The following COL23A1 variants were observed in gnomAD, a reference collection of about 807,000 sequenced individuals.
COL23A1 encodes the protein collagen alpha-1(XXIII) chain.
COL23A1 carries 97 observed loss-of-function variants against 99.3 expected under a neutral mutation model. That is an observed-to-expected ratio of 0.98 (90% CI 0.83 to 1.16). The LOEUF (loss-of-function observed/expected upper bound fraction) is 1.16. Among genes scored for constraint, COL23A1 ranks in the 50% most tolerant of loss-of-function variants. The probability of loss-of-function intolerance (pLI) is 0.00; values close to 1 mark genes in which losing one functional copy is unlikely to be tolerated. For missense variants in COL23A1, 762 were observed against 757.4 expected (o/e 1.01, Z -0.07); for synonymous variants, 320 against 308.2 (o/e 1.04, Z -0.40).
Position 178,336,991 on chromosome 5 carries a change from C to CT in COL23A1, c.362-30073_362-30072insA, listed in dbSNP as rs1455346671. Among the ~76,000 whole-genome samples, 15 of 114,234 alleles carry CT rather than the reference C, an allele frequency of 1.3e-4. No individual in the cohort carries two copies. The Admixed American group carries it at 1.4e-3, about 10-fold the overall frequency. The allele number at this position is 114,234 out of a possible 152,430, so 74.9% of individuals were successfully genotyped here. A position where few individuals can be genotyped will look rare whatever the true frequency, so the allele number is the denominator to read the frequency against. ...CTTGCAAAGAGTAAATACACTCCTCCCCGGAGCCAGCGAGCTGCTCAGAGC... is the reference window on the plus strand; with the variant it reads ...CTTGCAAAGAGTAAATACACTCCTCCTCCGGAGCCAGCGAGCTGCTCAGAGC... On this transcript the variant is annotated intron_variant, in intron 2 of 28. Coordinates refer to ENST00000390654, the MANE Select transcript of COL23A1 (RefSeq NM_173465.4).
At chr5:178,311,376 A>G (rs1441949566) in intron 2 of COL23A1, among the ~76,000 whole-genome samples, 1 of 152,184 alleles carries the variant, frequency 6.6e-6, no homozygotes, top group African/African-American at 2.4e-5. Flanking sequence ...CAGACACACC[A>G]GCCTGGGGTA....
At chr5:178,538,073 T>C (rs971304936) in intron 2 of COL23A1, among the ~76,000 whole-genome samples, 1 of 152,238 alleles carries the variant, frequency 6.6e-6, no homozygotes, top group African/African-American at 2.4e-5. Flanking sequence ...CGTATGCTAT[T>C]GTATGGATAT....
chr5:178,437,566 C>A (rs1169866378), intron 2 of COL23A1, among the ~76,000 whole-genome samples: 1 of 152,192 alleles, frequency 6.6e-6, no homozygotes, highest in Non-Finnish European at 1.5e-5. Context: ...ATCTGCCCAG[C>A]AAGGCATGTG....
chr5:178,296,091 G>A (rs1757726394), intron 3 of COL23A1, among the ~76,000 whole-genome samples: 1 of 152,326 alleles, frequency 6.6e-6, no homozygotes, highest in Middle Eastern at 3.4e-3. Flanking sequence ...CTTGACAGTG[G>A]CTGGAGAAAG....
At chr5:178,579,184 G>A (rs6866360) in intron 1 of COL23A1, among the ~76,000 whole-genome samples, 8 of 152,026 alleles carry the variant, frequency 5.3e-5, no homozygotes, top group Non-Finnish European at 1.0e-4. Flanking sequence ...ATGGGACCTC[G>A]ATTAGCAAAC....
intron 2 of COL23A1, among the ~76,000 whole-genome samples, chr5:178,557,814 A>G (rs1762359047): frequency 6.6e-6 from 1 of 152,102 alleles, no homozygotes; most frequent in Non-Finnish European, 1.5e-5. Flanking sequence ...TGTTCTTTGT[A>G]AGACAAGGGG....
intron 1 of COL23A1, 112 bp from the exon 2 acceptor site, chr5:178,560,860 G>T: frequency 1.0e-6 from 1 of 987,996 alleles, no homozygotes; most frequent in Non-Finnish European, 1.5e-6. Flanking sequence ...CATCTACAGT[G>T]CTGGGGCTGT....
chr5:178,290,417 C>A lies in COL23A1; in HGVS notation c.407-48G>T, dbSNP rs376019090. 6 of 1,613,578 alleles carry A rather than the reference C, an allele frequency of 3.7e-6. No individual in the cohort carries two copies. In the African/African-American group the frequency reaches 8.0e-5, roughly 22 times the overall value. On this transcript the variant is annotated intron_variant, in intron 3 of 28. Transcript: ENST00000390654. ...CCACAGTCAGTGTGGAAGGCAGAGT[C>A]CCCTCGCCTGTCCTCAGCACGGTCC... is the stretch of plus-strand genomic sequence containing the variant.
chr5:178,404,183 G>A (rs905312525), intron 2 of COL23A1, among the ~76,000 whole-genome samples: 6 of 152,204 alleles, frequency 3.9e-5, no homozygotes, highest in Non-Finnish European at 8.8e-5. Flanking sequence ...CTCCAGTTCC[G>A]GCGTTCTCTC....
intron 2 of COL23A1, among the ~76,000 whole-genome samples, chr5:178,441,010 G>A (rs1388525307): frequency 6.6e-6 from 1 of 152,138 alleles, no homozygotes; most frequent in African/African-American, 2.4e-5. Flanking sequence ...AGAAAGTTAC[G>A]AAACAGATTT....
At chr5:178,510,614 G>C (rs556599188) in intron 2 of COL23A1, among the ~76,000 whole-genome samples, 14 of 151,880 alleles carry the variant, frequency 9.2e-5, no homozygotes, top group African/African-American at 3.4e-4. Context: ...ACATGTATAC[G>C]TATGTAACTA....
At chr5:178,311,731 TTGTTTTG>T (rs1236670262) in intron 2 of COL23A1, among the ~76,000 whole-genome samples, 13,890 of 37,966 alleles carry the variant, frequency 0.37, 1,921 homozygotes, top group Non-Finnish European at 0.43. Flanking sequence ...TTGTTTTGTT[TTGTTTTG>T]TTTTTTTTTT....
In COL23A1 at chr5:178,447,285, G is replaced by A. The variant is rs182267474; in HGVS notation, c.361+113397C>T. ...ATTTTTGTATTTTTAGTAGAGATGG[G>A]GTTTCACCATATTGGCCAGGCTGGT... is the stretch of plus-strand genomic sequence containing the variant. On this transcript the variant is annotated intron_variant, in intron 2 of 28. Transcript: ENST00000390654. Among the ~76,000 whole-genome samples the A allele has an allele frequency of 1.4e-3, 211 of 151,890 alleles. 1 individual carries two copies. Among genetic ancestry groups the A allele is most frequent in the African/African-American group, 5.0e-3 (207 of 41,420 alleles).
chr5:178,380,220 A>G, intron 2 of COL23A1, among the ~76,000 whole-genome samples: 1 of 152,162 alleles, frequency 6.6e-6, no homozygotes, highest in East Asian at 1.9e-4. Context: ...ATTGCTGCCT[A>G]GTGTTGGAGC....
intron 2 of COL23A1, among the ~76,000 whole-genome samples, chr5:178,435,554 C>T (rs552339736): frequency 5.3e-5 from 8 of 152,322 alleles, no homozygotes; most frequent in Admixed American, 1.3e-4. Context: ...TGACCTCAGG[C>T]GAGTTACTGA....
At chr5:178,440,788 T>C (rs928048796) in intron 2 of COL23A1, among the ~76,000 whole-genome samples, 12 of 152,040 alleles carry the variant, frequency 7.9e-5, no homozygotes, top group Admixed American at 2.6e-4. Flanking sequence ...GCTAATTTTT[T>C]ATATTTTTAG....
intron 5 of COL23A1, among the ~76,000 whole-genome samples, chr5:178,282,676 C>G (rs1756961320): frequency 6.6e-6 from 1 of 152,160 alleles, no homozygotes; most frequent in African/African-American, 2.4e-5. Flanking sequence ...CACTAGCCTC[C>G]CATGGTGAGA....
intron 2 of COL23A1, among the ~76,000 whole-genome samples, chr5:178,374,247 G>T (rs557555375): frequency 6.6e-6 from 1 of 152,108 alleles, no homozygotes; most frequent in Non-Finnish European, 1.5e-5. Flanking sequence ...CCCAGCCTCT[G>T]CACACCCTTC....
intron 13 of COL23A1, 77 bp downstream of exon 13, chr5:178,257,446 G>T: frequency 6.6e-7 from 1 of 1,503,794 alleles, no homozygotes; most frequent in Non-Finnish European, 9.1e-7. Context: ...AAAGGTCCAG[G>T]GTAGGGACTT....
Sources: allele counts gnomAD v4.1 joint callset (sites outside exome capture counted in the v4.1 genomes callset), GRCh38; gene constraint gnomAD v4.1.1; transcripts MANE v1.5; gene names NCBI Gene and HGNC (gene_info 2026-07-23, HGNC 2026-07-21).